The following ANLN variants were observed in gnomAD, a reference collection of about 807,000 sequenced individuals.
ANLN encodes anillin.
ANLN carries 59 observed loss-of-function variants against 135.1 expected under a neutral mutation model. The ratio of observed to expected loss-of-function variants is 0.44; its 90% CI spans 0.35 to 0.54. The LOEUF (loss-of-function observed/expected upper bound fraction) is 0.54, where lower values mean the gene tolerates loss of function less well. Among genes scored for constraint, ANLN ranks in the 20% least tolerant of loss-of-function variants. The pLI, the probability that ANLN is intolerant of heterozygous loss-of-function variation, is 0.00. For synonymous variants in ANLN, 406 were observed against 456.4 expected, an observed-to-expected ratio of 0.89 and a Z score of 1.41; for missense variants, 1,182 against 1,340.0, an observed-to-expected ratio of 0.88 and a Z score of 1.84.
intron 1 of ANLN, among the ~76,000 whole-genome samples, chr7:36,390,980 C>G (rs576448694): frequency 2.6e-5 from 4 of 152,240 alleles, no homozygotes; most frequent in African/African-American, 9.6e-5. Context: ...TACACTGATT[C>G]AAAAACTTAA....
At chr7:36,447,876 T>A (rs925480337) in intron 22 of ANLN, among the ~76,000 whole-genome samples, 14 of 152,144 alleles carry the variant, frequency 9.2e-5, no homozygotes, top group African/African-American at 3.4e-4. Flanking sequence ...TAATTGAAGC[T>A]ATGGAAAGTG....
intron 22 of ANLN, 33 bp downstream of exon 22, chr7:36,443,895 C>A: frequency 1.4e-6 from 2 of 1,452,326 alleles, no homozygotes; most frequent in African/African-American, 1.4e-5. Flanking sequence ...GTGGTGAAAG[C>A]CCTGATTGAC....
chr7:36,404,792 C>G (rs1015114040), intron 3 of ANLN, among the ~76,000 whole-genome samples: 1 of 152,086 alleles, frequency 6.6e-6, no homozygotes, highest in African/African-American at 2.4e-5. Context: ...ATAACCAAGA[C>G]GGCTATAAAG....
chr7:36,449,577 T>G, intron 22 of ANLN, 88 bp from the exon 23 acceptor site: 3 of 1,008,008 alleles, frequency 3.0e-6, no homozygotes, highest in Non-Finnish European at 1.4e-6. Flanking sequence ...TTTTTAATAT[T>G]TAATTTGTAC....
chr7:36,399,688 C>G (rs1416653941), intron 3 of ANLN, among the ~76,000 whole-genome samples: 1 of 152,174 alleles, frequency 6.6e-6, no homozygotes, highest in Non-Finnish European at 1.5e-5. Flanking sequence ...GTGTTGTTAG[C>G]ATTGCTGACC....
chr7:36,419,009 G>C (rs1225231533), intron 9 of ANLN, among the ~76,000 whole-genome samples: 1 of 151,880 alleles, frequency 6.6e-6, no homozygotes, highest in African/African-American at 2.4e-5. Flanking sequence ...TGCCCACCTT[G>C]GCCTCCCAAA....
At chr7:36,427,423 G>A (rs1788130694) in intron 20 of ANLN, among the ~76,000 whole-genome samples, 2 of 151,860 alleles carry the variant, frequency 1.3e-5, no homozygotes, top group South Asian at 4.1e-4. Context: ...CACCTAGGTT[G>A]GAGTGCATGG....
intron 20 of ANLN, among the ~76,000 whole-genome samples, chr7:36,437,657 T>C (rs1368094332): frequency 2.6e-5 from 4 of 152,182 alleles, no homozygotes; most frequent in African/African-American, 9.6e-5. Flanking sequence ...ATTTATCTAT[T>C]TTTTCCTCAT....
At chr7:36,410,279 ATT>A (rs1182178127) in intron 5 of ANLN, among the ~76,000 whole-genome samples, 2 of 145,920 alleles carry the variant, frequency 1.4e-5, no homozygotes, top group Non-Finnish European at 3.0e-5. Flanking sequence ...CCTTTTCAAA[ATT>A]TTTTTTTTTT....
chr7:36,420,656 T>C lies in ANLN; in HGVS notation c.2075T>C (p.Val692Ala), dbSNP rs1473278733. The C allele has an allele frequency of 3.7e-6, 6 of 1,613,288 alleles. No homozygotes were observed. The African/African-American group carries it at 5.3e-5, about 14-fold the overall frequency. The change falls in exon 12 of 24, where the codon GTG becomes GCG. Residue 692 changes from valine (V) to alanine (A), a missense_variant. Val to Ala is a moderately conservative substitution (Grantham distance 64, BLOSUM62 0). Coordinates refer to ENST00000265748, the MANE Select transcript of ANLN (RefSeq NM_018685.5). ...KETERPSIKQ[V>A]IVRKEDVTSK... ...ACAGAACGTCCATCAATAAAGCAGG[T>C]GATTGTTCGGAAGGAAGATGTTACT... is the stretch of plus-strand genomic sequence containing the variant.
rs562052327 is a variant in ANLN, at chr7:36,426,914, A to G, written c.2771-2A>G. On this transcript the variant is annotated splice_acceptor_variant, in intron 19 of 23. Transcript: ENST00000265748. LOFTEE classifies it high-confidence loss of function. The stretch of plus-strand genomic sequence containing the variant: ...TAAACTTAATTTCCTCGTTCTTCAC[A>G]GTCATGGCCAGTCCAGGAGGTCTTA... The G allele has an allele frequency of 6.4e-7, 1 of 1,569,784 alleles. No individual in the cohort carries two copies. The highest frequency in any genetic ancestry group is 8.6e-7 in the Non-Finnish European group (1 of 1,161,694).
rs553208669 is a variant in ANLN at position 36,423,776 on chromosome 7, T to C, written c.2477-41T>C. ...CAGAATGCTGATTAGCTAAATCTGA[T>C]TTTGCTTGTGCTTACTATGTAATAT... On this transcript the variant is annotated intron_variant, in intron 14 of 23. Transcript: ENST00000265748. 1.9e-6 allele frequency: 3 copies of C among 1,565,444 alleles called. No homozygotes were observed. The Admixed American group carries it at 5.4e-5, about 28-fold the overall frequency.
At chr7:36,405,540 A>G (rs571846555) in intron 3 of ANLN, among the ~76,000 whole-genome samples, 3 of 152,316 alleles carry the variant, frequency 2.0e-5, no homozygotes, top group African/African-American at 7.2e-5. Flanking sequence ...TTCCCTATAT[A>G]CATGCCCTAG....
At chr7:36,392,612 A>G (rs937237586) in intron 1 of ANLN, among the ~76,000 whole-genome samples, 4 of 151,510 alleles carry the variant, frequency 2.6e-5, no homozygotes, top group Non-Finnish European at 5.9e-5. Flanking sequence ...CTGATATACT[A>G]TTATAAGGAA....
At chr7:36,437,858 G>C (rs1049573686) in intron 20 of ANLN, among the ~76,000 whole-genome samples, 1 of 152,084 alleles carries the variant, frequency 6.6e-6, no homozygotes, top group Non-Finnish European at 1.5e-5. Flanking sequence ...TGCAACCTCT[G>C]CCTCTGTGTT....
chr7:36,440,393 A>G (rs1027003919), intron 21 of ANLN, among the ~76,000 whole-genome samples: 1 of 152,190 alleles, frequency 6.6e-6, no homozygotes, highest in African/African-American at 2.4e-5. Context: ...TTATTGGGTG[A>G]TCATTCTGGC....
At chr7:36,444,988 C>T (rs1312032240) in intron 22 of ANLN, among the ~76,000 whole-genome samples, 1 of 151,764 alleles carries the variant, frequency 6.6e-6, no homozygotes, top group Non-Finnish European at 1.5e-5. Context: ...TTTCATCAAC[C>T]TCTGTGTTAT....
chr7:36,401,424 C>T (rs192315098), intron 3 of ANLN, among the ~76,000 whole-genome samples: 237 of 152,214 alleles, frequency 1.6e-3, no homozygotes, highest in African/African-American at 4.5e-3. Context: ...CTGCAACCTC[C>T]GCCTCCCAGG....
intron 3 of ANLN, among the ~76,000 whole-genome samples, chr7:36,399,984 TA>T (rs1786872522): frequency 6.7e-6 from 1 of 149,410 alleles, no homozygotes. Context: ...CCTGCCTTGT[TA>T]CAAAAAAAAA....
Sources: gnomAD v4.1 joint callset for allele counts (sites outside exome capture counted in the v4.1 genomes callset) on GRCh38, gnomAD v4.1.1 for gene constraint, MANE v1.5 for transcripts, NCBI Gene and HGNC (gene_info 2026-07-23, HGNC 2026-07-21) for gene names.